Variants in LRMDA observed in about 807,000 individuals in gnomAD.
LRMDA encodes leucine rich melanocyte differentiation associated, also known as leucine-rich melanocyte differentiation-associated protein.
LRMDA carries 18 observed loss-of-function variants against 29.8 expected under a neutral mutation model. That is an observed-to-expected ratio of 0.60 (90% CI 0.42 to 0.90). LRMDA has a LOEUF of 0.90. LRMDA is among the 40% of genes least tolerant of loss of function. LRMDA has a pLI of 0.00. For missense variants in LRMDA, 273 were observed against 273.9 expected (o/e 1.00, Z 0.02); for synonymous variants, 125 against 109.4 (o/e 1.14, Z -0.89).
chr10:75,804,738 AGCAGCCCACATTT>A (rs1843819155), intron 2 of LRMDA, among the ~76,000 whole-genome samples: 1 of 152,220 alleles, frequency 6.6e-6, no homozygotes, highest in African/African-American at 2.4e-5. Context: ...TTGGGCTGGC[AGCAGCCCACATTT>A]GCAGGTAGGG....
chr10:76,256,236 T>C (rs920785707), intron 5 of LRMDA, among the ~76,000 whole-genome samples: 9 of 152,204 alleles, frequency 5.9e-5, no homozygotes, highest in African/African-American at 1.9e-4. Context: ...TCCTCCAATG[T>C]TAAGTTAGTT....
intron 6 of LRMDA, chr10:76,438,473 C>G (rs1842267660): frequency 6.6e-6 from 1 of 152,102 alleles, no homozygotes; most frequent in South Asian, 2.1e-4. Flanking sequence ...GATACTAGTA[C>G]TCGGGTTGGG....
chr10:75,763,739 G>A (rs907820638), intron 2 of LRMDA, among the ~76,000 whole-genome samples: 1 of 151,638 alleles, frequency 6.6e-6, no homozygotes, highest in African/African-American at 2.4e-5. Context: ...AGGTGGGAAG[G>A]GGAGAGGTGT....
intron 5 of LRMDA, among the ~76,000 whole-genome samples, chr10:76,097,540 A>G (rs1308693810): frequency 6.6e-6 from 1 of 152,202 alleles, no homozygotes; most frequent in East Asian, 1.9e-4. Context: ...ACTAAGTATG[A>G]AGTTAGCTAT....
At chr10:75,888,446 C>G (rs1376722094) in intron 2 of LRMDA, among the ~76,000 whole-genome samples, 1 of 152,162 alleles carries the variant, frequency 6.6e-6, no homozygotes, top group African/African-American at 2.4e-5. Flanking sequence ...ACTCCACATC[C>G]CTGATCTGGG....
intron 2 of LRMDA, among the ~76,000 whole-genome samples, chr10:75,714,390 G>T (rs780834920): frequency 1.3e-5 from 2 of 152,178 alleles, no homozygotes; most frequent in Non-Finnish European, 2.9e-5. Flanking sequence ...GTCATTTGGG[G>T]ATGATATGAG....
chr10:76,283,933 T>C (rs1840238495), intron 5 of LRMDA, among the ~76,000 whole-genome samples: 1 of 152,148 alleles, frequency 6.6e-6, no homozygotes, highest in Non-Finnish European at 1.5e-5. Flanking sequence ...CCCAAACAGT[T>C]GGGACTACAG....
At chr10:75,538,418 G>T (rs570755148) in intron 2 of LRMDA, among the ~76,000 whole-genome samples, 1 of 152,148 alleles carries the variant, frequency 6.6e-6, no homozygotes, top group African/African-American at 2.4e-5. Context: ...AATTAGGAAA[G>T]GTTAAGTGAT....
intron 5 of LRMDA, among the ~76,000 whole-genome samples, chr10:76,195,987 T>C (rs1320847260): frequency 6.6e-6 from 1 of 152,196 alleles, no homozygotes; most frequent in African/African-American, 2.4e-5. Flanking sequence ...ACCATTTAAA[T>C]TGGGTTTAGA....
At chr10:76,066,129 A>G (rs1363284613) in intron 5 of LRMDA, among the ~76,000 whole-genome samples, 2 of 152,190 alleles carry the variant, frequency 1.3e-5, no homozygotes, top group East Asian at 3.9e-4. Flanking sequence ...CCATTGAACC[A>G]GGGTCTTAAC....
intron 2 of LRMDA, among the ~76,000 whole-genome samples, chr10:75,985,496 G>A (rs749653465): frequency 1.3e-5 from 2 of 152,304 alleles, no homozygotes; most frequent in East Asian, 1.9e-4. Flanking sequence ...GGGAGGCAAC[G>A]TGGCTGTGAA....
chr10:76,282,913 T>C (rs1177301439), intron 5 of LRMDA, among the ~76,000 whole-genome samples: 1 of 152,124 alleles, frequency 6.6e-6, no homozygotes, highest in Admixed American at 6.6e-5. Context: ...CAATTTCATG[T>C]CCAAACAGAA....
intron 5 of LRMDA, among the ~76,000 whole-genome samples, chr10:76,261,573 T>C (rs1839944506): frequency 6.6e-6 from 1 of 152,198 alleles, no homozygotes; most frequent in African/African-American, 2.4e-5. Flanking sequence ...TACCCTCTTG[T>C]GCTTAGGTCA....
At chr10:75,617,128 C>A (rs894207335) in intron 2 of LRMDA, among the ~76,000 whole-genome samples, 3 of 152,154 alleles carry the variant, frequency 2.0e-5, no homozygotes, top group African/African-American at 7.2e-5. Context: ...GCTGGAGCTA[C>A]TTTATCAGAT....
At chr10:75,651,908 A>G (rs927112163) in intron 2 of LRMDA, among the ~76,000 whole-genome samples, 3 of 152,214 alleles carry the variant, frequency 2.0e-5, no homozygotes, top group Non-Finnish European at 4.4e-5. Flanking sequence ...CAGTATTGCT[A>G]TGAAAATGCA....
chr10:76,022,557 G>A (rs1420034119), intron 2 of LRMDA, among the ~76,000 whole-genome samples: 1 of 152,108 alleles, frequency 6.6e-6, no homozygotes, highest in Non-Finnish European at 1.5e-5. Flanking sequence ...ACAGAAGTGG[G>A]CAATTAGCCT....
At chr10:75,800,989 A>G (rs1449895161) in intron 2 of LRMDA, among the ~76,000 whole-genome samples, 4 of 152,156 alleles carry the variant, frequency 2.6e-5, no homozygotes, top group African/African-American at 4.8e-5. Context: ...CTTAGTGTAA[A>G]TTTGTAATCC....
At chr10:76,384,544 C>T (rs969893342) in intron 6 of LRMDA, among the ~76,000 whole-genome samples, 2 of 152,192 alleles carry the variant, frequency 1.3e-5, no homozygotes, top group African/African-American at 4.8e-5. Flanking sequence ...TTCATTACCC[C>T]ACAATTGGAC....
rs143518939 is a variant in LRMDA at position 76,129,568 on chromosome 10, G to T, written c.516+70785G>T. Among the ~76,000 whole-genome samples, 554 of 152,248 alleles carry T rather than the reference G, an allele frequency of 3.6e-3. 5 individuals carry two copies. The highest frequency in any genetic ancestry group is 0.013 in the African/African-American group (533 of 41,536). On this transcript the variant is annotated intron_variant, in intron 5 of 6. Transcript: ENST00000611255. ...TGCACATGGCTAATGCTACAGGAGTGGGGGTGGGTTCTAAGAAATACCCAG... is the reference window on the plus strand; with the variant it reads ...TGCACATGGCTAATGCTACAGGAGTTGGGGTGGGTTCTAAGAAATACCCAG...
Sources: gnomAD v4.1 joint callset for allele counts (sites outside exome capture counted in the v4.1 genomes callset) on GRCh38, gnomAD v4.1.1 for gene constraint, MANE v1.5 for transcripts, NCBI Gene and HGNC (gene_info 2026-07-23, HGNC 2026-07-21) for gene names.